The following LDB2 variants were observed in gnomAD, a reference collection of about 807,000 sequenced individuals.
LDB2 encodes the protein LIM domain binding 2, also known as LIM domain-binding protein 2.
LDB2 carries 12 observed loss-of-function variants against 44.3 expected under a neutral mutation model. The ratio of observed to expected loss-of-function variants is 0.27; its 90% CI spans 0.17 to 0.44. LDB2 has a LOEUF of 0.44. Ranked by LOEUF, LDB2 falls within the 20% of genes least tolerant of loss-of-function variation. LDB2 has a pLI of 1.00. For synonymous variants in LDB2, 164 were observed against 174.8 expected (o/e 0.94, Z 0.49); for missense variants, 344 against 473.5 (o/e 0.73, Z 2.54).
At chr4:16,892,674 C>T (rs1345089639) in intron 1 of LDB2, among the ~76,000 whole-genome samples, 2 of 152,124 alleles carry the variant, frequency 1.3e-5, no homozygotes, top group Non-Finnish European at 2.9e-5. Context: ...GTTTCGTTTG[C>T]TTGTTCAGAA....
At chr4:16,889,520 C>A (rs1420011758) in intron 1 of LDB2, among the ~76,000 whole-genome samples, 2 of 152,160 alleles carry the variant, frequency 1.3e-5, no homozygotes, top group Non-Finnish European at 2.9e-5. Context: ...GACGTGCGTT[C>A]TAGCAGTGAA....
intron 5 of LDB2, among the ~76,000 whole-genome samples, chr4:16,560,379 G>C (rs902911686): frequency 6.6e-6 from 1 of 152,028 alleles, no homozygotes; most frequent in African/African-American, 2.4e-5. Flanking sequence ...AAATGATAAA[G>C]GGGATATCAC....
chr4:16,745,847 AT>A (rs951690125), intron 2 of LDB2, among the ~76,000 whole-genome samples: 3 of 151,016 alleles, frequency 2.0e-5, no homozygotes, highest in Admixed American at 6.6e-5. Flanking sequence ...AGACATTAGA[AT>A]TTTTTTTTAA....
At chr4:16,821,224 G>A (rs1781902901) in intron 1 of LDB2, among the ~76,000 whole-genome samples, 1 of 152,154 alleles carries the variant, frequency 6.6e-6, no homozygotes, top group South Asian at 2.1e-4. Context: ...AGGTTTGGAA[G>A]CAATTAACAT....
At chr4:16,885,972 T>G (rs1453248971) in intron 1 of LDB2, among the ~76,000 whole-genome samples, 1 of 152,112 alleles carries the variant, frequency 6.6e-6, no homozygotes, top group Non-Finnish European at 1.5e-5. Context: ...TCCCAGCACT[T>G]TGGGAGGCCG....
rs114773021 is a variant in LDB2 at position 16,814,888 on chromosome 4, C to A, written c.133-55628G>T. Among the ~76,000 whole-genome samples the A allele has an allele frequency of 5.8e-3, 882 of 152,272 alleles. 4 individuals carry two copies. Among genetic ancestry groups the A allele is most frequent in the Non-Finnish European group, 9.8e-3 (668 of 68,012 alleles). Reference sequence around the variant, plus strand: ...AAATAGAGTGAGATTTGCAACCTTTCTTTTTCGAACTTGCAGAAGTTGGAA... The same window carrying A: ...AAATAGAGTGAGATTTGCAACCTTTATTTTTCGAACTTGCAGAAGTTGGAA... On this transcript the variant is annotated intron_variant, in intron 1 of 7. Coordinates refer to ENST00000304523, the MANE Select transcript of LDB2 (RefSeq NM_001290.5).
At chr4:16,652,139 G>C (rs1469887368) in intron 2 of LDB2, among the ~76,000 whole-genome samples, 3 of 152,002 alleles carry the variant, frequency 2.0e-5, no homozygotes, top group African/African-American at 7.2e-5. Flanking sequence ...TAGAGATGAG[G>C]TCTCTTTATG....
chr4:16,753,213 G>A (rs904619538), intron 2 of LDB2, among the ~76,000 whole-genome samples: 3 of 152,196 alleles, frequency 2.0e-5, no homozygotes, highest in African/African-American at 7.2e-5. Flanking sequence ...TATTACCAAG[G>A]AGTGATTTTC....
chr4:16,874,695 A>G (rs2110373176), intron 1 of LDB2, among the ~76,000 whole-genome samples: 1 of 152,298 alleles, frequency 6.6e-6, no homozygotes, highest in South Asian at 2.1e-4. Flanking sequence ...TGTTTTCTAA[A>G]AGTATTATTT....
intron 5 of LDB2, among the ~76,000 whole-genome samples, chr4:16,529,475 C>G (rs1358961131): frequency 1.3e-5 from 2 of 152,164 alleles, no homozygotes; most frequent in Non-Finnish European, 2.9e-5. Flanking sequence ...AGCTGAGGAC[C>G]CTGCCTTCTG....
chr4:16,534,144 TAAC>T (rs1730981598), intron 5 of LDB2, among the ~76,000 whole-genome samples: 1 of 152,118 alleles, frequency 6.6e-6, no homozygotes. Context: ...GATCACAAAA[TAAC>T]AACAAATATT....
chr4:16,829,942 TA>T (rs1783768299), intron 1 of LDB2, among the ~76,000 whole-genome samples: 1 of 151,964 alleles, frequency 6.6e-6, no homozygotes, highest in African/African-American at 2.4e-5. Context: ...CTGTCTCTAC[TA>T]AAAATGCAAA....
At chr4:16,579,369 T>A (rs1577932552) in intron 5 of LDB2, among the ~76,000 whole-genome samples, 1 of 151,956 alleles carries the variant, frequency 6.6e-6, no homozygotes, top group African/African-American at 2.4e-5. Flanking sequence ...TAACCTAGCA[T>A]TAAGAAAATG....
rs568121745 is a variant in LDB2 at position 16,695,374 on chromosome 4, T to C, written c.235+63784A>G. The stretch of plus-strand genomic sequence containing the variant: ...GGTGAAACCCTGTCTCTACTAAAAA[T>C]ACAAAATTAGCCAGGTAAGAGGCTG... On this transcript the variant is annotated intron_variant, in intron 2 of 7. Transcript: ENST00000304523. Among the ~76,000 whole-genome samples, 273 of 149,476 alleles carry C rather than the reference T, an allele frequency of 1.8e-3. 1 individual carries two copies. Among genetic ancestry groups the C allele is most frequent in the Middle Eastern group, 0.011 (3 of 284 alleles).
chr4:16,621,982 A>G (rs1342695516), intron 2 of LDB2, among the ~76,000 whole-genome samples: 1 of 152,252 alleles, frequency 6.6e-6, no homozygotes, highest in African/African-American at 2.4e-5. Flanking sequence ...TGCAAAAGTA[A>G]TTGTGATTTT....
intron 2 of LDB2, among the ~76,000 whole-genome samples, chr4:16,644,523 G>T (rs954308462): frequency 4.0e-5 from 6 of 151,632 alleles, no homozygotes; most frequent in Non-Finnish European, 7.4e-5. Context: ...TGCCTCCTGG[G>T]TTCAAGGGAT....
At chr4:16,852,976 T>C (rs964599043) in intron 1 of LDB2, among the ~76,000 whole-genome samples, 1 of 152,172 alleles carries the variant, frequency 6.6e-6, no homozygotes, top group Non-Finnish European at 1.5e-5. Flanking sequence ...TGTAACAGTT[T>C]AGGTAGGCAT....
chr4:16,635,758 G>C (rs1733418043), intron 2 of LDB2, among the ~76,000 whole-genome samples: 1 of 152,048 alleles, frequency 6.6e-6, no homozygotes, highest in Non-Finnish European at 1.5e-5. Context: ...TTTGCCCTTG[G>C]TAGCTACTCC....
chr4:16,626,279 T>C (rs944973720), intron 2 of LDB2, among the ~76,000 whole-genome samples: 3 of 152,240 alleles, frequency 2.0e-5, no homozygotes, highest in African/African-American at 7.2e-5. Flanking sequence ...CGTTAGTTAC[T>C]AGACTACTTG....
Sources: gnomAD v4.1 joint callset for allele counts (sites outside exome capture counted in the v4.1 genomes callset) on GRCh38, gnomAD v4.1.1 for gene constraint, MANE v1.5 for transcripts, NCBI Gene and HGNC (gene_info 2026-07-23, HGNC 2026-07-21) for gene names.